Variants in DIXDC1 observed in about 807,000 individuals in gnomAD.
DIXDC1 encodes the protein dixin.
DIXDC1 carries 64 observed loss-of-function variants against 103.1 expected under a neutral mutation model. The observed-to-expected ratio is 0.62, with a 90% CI of 0.51 to 0.76. DIXDC1 has a LOEUF of 0.76. Among genes scored for constraint, DIXDC1 ranks in the 30% least tolerant of loss-of-function variants. The pLI, the probability that DIXDC1 is intolerant of heterozygous loss-of-function variation, is 0.00. For synonymous variants in DIXDC1, 266 were observed against 298.5 expected (o/e 0.89, Z 1.12); for missense variants, 759 against 834.2 (o/e 0.91, Z 1.11).
chr11:111,997,332 A>AT (rs1160819448), intron 17 of DIXDC1, among the ~76,000 whole-genome samples: 49 of 147,572 alleles, frequency 3.3e-4, no homozygotes, highest in Admixed American at 3.4e-4. Flanking sequence ...AATGAAACAA[A>AT]TTTTTTTTTT....
At chr11:111,986,706 C>G (rs1860502959) in intron 8 of DIXDC1, among the ~76,000 whole-genome samples, 165 bp from the exon 9 acceptor site, 1 of 152,030 alleles carries the variant, frequency 6.6e-6, no homozygotes, top group South Asian at 2.1e-4. Flanking sequence ...GATCTACTTG[C>G]TACTTGATGC....
rs1041855774 is a variant in DIXDC1, at chr11:112,021,723, C to G, written c.*2687C>G. On this transcript the variant is annotated 3_prime_UTR_variant, in exon 20 of 20. Transcript: ENST00000440460. ...AGTGTGGTGGCTCATGCCTGTAATT[C>G]CAGCACTTTGGGAGGCCGAGGCAGG... 3.9e-5 allele frequency: 6 copies of G among 152,318 alleles called. No homozygotes were observed. The highest frequency in any genetic ancestry group is 7.3e-5 in the Non-Finnish European group (5 of 68,148). The allele number at this position is 152,318 out of a possible 1,614,324, so 9.4% of individuals were successfully genotyped here. A position where few individuals can be genotyped will look rare whatever the true frequency, so the allele number is the denominator to read the frequency against.
chr11:111,976,294 C>G lies in DIXDC1; in HGVS notation c.656+1311C>G, dbSNP rs1006785386. ...AGAGTGGATTTCTTCCTGAGGGCAC[C>G]TGCTTTCTCCTCCAAGGCAGGAGGA... is the stretch of plus-strand genomic sequence containing the variant. On this transcript the variant is annotated intron_variant, in intron 5 of 19. Coordinates refer to ENST00000440460, the MANE Select transcript of DIXDC1 (RefSeq NM_001037954.4). This position sits in a 1 kb window ranked among gnomAD's most constrained non-coding sequence, Gnocchi z 4.3. Among the ~76,000 whole-genome samples, 4 of 152,100 alleles carry G rather than the reference C, an allele frequency of 2.6e-5. No individual in the cohort carries two copies. The highest frequency in any genetic ancestry group is 9.7e-5 in the African/African-American group (4 of 41,428).
chr11:111,927,526 T>A (rs1286262707), intron 1 of DIXDC1: 3 of 152,322 alleles, frequency 2.0e-5, no homozygotes, highest in Non-Finnish European at 4.4e-5. Context: ...GCCCTCAGCC[T>A]TGTACATTCT....
rs1392391202 is a variant in DIXDC1 at position 111,977,709 on chromosome 11, C to T, written c.656+2726C>T. 2 of 1,548,152 alleles carry T rather than the reference C, an allele frequency of 1.3e-6. No individual in the cohort carries two copies. Among genetic ancestry groups the T allele is most frequent in the South Asian group, 2.4e-5 (2 of 84,022 alleles). Reference sequence around the variant, plus strand: ...ATGCCTGAATTTGGGAGCGATGTGACTCTCAGCCTCCCACTTCACCCGGGG... The same window carrying T: ...ATGCCTGAATTTGGGAGCGATGTGATTCTCAGCCTCCCACTTCACCCGGGG... On this transcript the variant is annotated intron_variant, in intron 5 of 19. Coordinates refer to ENST00000440460, the MANE Select transcript of DIXDC1 (RefSeq NM_001037954.4). This position sits in a 1 kb window ranked among gnomAD's most constrained non-coding sequence, Gnocchi z 6.1.
chr11:111,973,221 A>C (rs879956599), intron 3 of DIXDC1, among the ~76,000 whole-genome samples: 8 of 125,842 alleles, frequency 6.4e-5, no homozygotes, highest in East Asian at 5.0e-4. Flanking sequence ...AAATACAAAA[A>C]ATTAGCTGGG....
At chr11:111,930,532 T>G (rs1410886456) in intron 2 of DIXDC1, among the ~76,000 whole-genome samples, 1 of 152,232 alleles carries the variant, frequency 6.6e-6, no homozygotes, top group Non-Finnish European at 1.5e-5. Context: ...CTTTTTAACT[T>G]GCTTTGTTTC....
At chr11:111,990,895 C>T (rs587639201) in intron 10 of DIXDC1, among the ~76,000 whole-genome samples, 1 of 152,086 alleles carries the variant, frequency 6.6e-6, no homozygotes, top group African/African-American at 2.4e-5. Flanking sequence ...TTGGTAGAGA[C>T]GGGGTTTCAC....
chr11:111,940,894 T>TA (rs1555168767), intron 1 of DIXDC1, among the ~76,000 whole-genome samples: 1 of 152,182 alleles, frequency 6.6e-6, no homozygotes, highest in Non-Finnish European at 1.5e-5. Context: ...TGTGCCAGGC[T>TA]CTGGAAATAC....
rs587661377 is a variant in DIXDC1 at position 111,948,496 on chromosome 11, C to T, written c.60+10937C>T. On this transcript the variant is annotated intron_variant, in intron 1 of 19. Transcript: ENST00000440460. Reference sequence around the variant, plus strand: ...TGATGATTTTCAGTCCTAGATTAGCCCATCCTTGGTTTCCCCTGCTCATGG... The same window carrying T: ...TGATGATTTTCAGTCCTAGATTAGCTCATCCTTGGTTTCCCCTGCTCATGG... Among the ~76,000 whole-genome samples the T allele has an allele frequency of 1.4e-4, 21 of 151,916 alleles. No homozygotes were observed. In the East Asian group the frequency reaches 4.1e-3, roughly 29 times the overall value.
intron 9 of DIXDC1, among the ~76,000 whole-genome samples, chr11:111,987,679 A>C (rs1368579788): frequency 1.2e-5 from 1 of 81,776 alleles, no homozygotes; most frequent in Non-Finnish European, 2.4e-5. Flanking sequence ...TTTTTTTTTG[A>C]GACAGAGTTT....
At position 111,927,983 on chromosome 11, in the gene DIXDC1, T is replaced by C. The variant is rs587741923; in HGVS notation, c.-37+596T>C. The stretch of plus-strand genomic sequence containing the variant: ...GTGAGCCGAGATCTCGCCAAAGCAC[T>C]CCAGCCTGGGGGACACAGCAAGACT... On this transcript the variant is annotated intron_variant, in intron 1 of 5. Coordinates refer to the DIXDC1 transcript ENST00000529225. 1.2e-3 allele frequency among the ~76,000 whole-genome samples: 141 copies of C among 118,820 alleles called. 3 individuals are homozygous for C. In the South Asian group the frequency reaches 0.036, roughly 30 times the overall value. The allele number at this position is 118,820 out of a possible 152,430, so 78.0% of individuals were successfully genotyped here. A position where few individuals can be genotyped will look rare whatever the true frequency, so the allele number is the denominator to read the frequency against.
chr11:112,001,746 C>T (rs1861071397), intron 17 of DIXDC1, among the ~76,000 whole-genome samples: 2 of 150,728 alleles, frequency 1.3e-5, no homozygotes, highest in Non-Finnish European at 3.0e-5. Flanking sequence ...GATAAGAATT[C>T]AGCTGAGATT....
chr11:111,977,177 C>T lies in DIXDC1; in HGVS notation c.656+2194C>T. 1.2e-6 allele frequency: 1 copy of T among 858,442 alleles called. No homozygotes were observed. Among genetic ancestry groups the T allele is most frequent in the Non-Finnish European group, 1.4e-6 (1 of 713,728 alleles). The allele number at this position is 858,442 out of a possible 1,614,324, so 53.2% of individuals were successfully genotyped here. On this transcript the variant is annotated intron_variant, in intron 5 of 19. Transcript: ENST00000440460. This position sits in a 1 kb window ranked among gnomAD's most constrained non-coding sequence, Gnocchi z 6.1. ...ACCCCCACCTCCACCCCGCCCAGCC[C>T]CGCCCCTGGCCCGCACCCTCAACCT...
rs1860152250 is a variant in DIXDC1 at position 111,977,581 on chromosome 11, C to T, written c.656+2598C>T. 2 of 1,476,698 alleles carry T rather than the reference C, an allele frequency of 1.4e-6. No individual in the cohort carries two copies. The highest frequency in any genetic ancestry group is 1.8e-6 in the Non-Finnish European group (2 of 1,110,622). The allele number at this position is 1,476,698 out of a possible 1,614,324, so 91.5% of individuals were successfully genotyped here. ...AGCATCCCAGTCGCTGGGGCCGAGA[C>T]GCCGCCGCCGCCGCCGTTCCCGCTT... On this transcript the variant is annotated intron_variant, in intron 5 of 19. Coordinates refer to ENST00000440460, the MANE Select transcript of DIXDC1 (RefSeq NM_001037954.4). The surrounding 1 kb of genome is among the most constrained non-coding windows in gnomAD (Gnocchi z 6.1).
chr11:111,995,417 G>C lies in DIXDC1; in HGVS notation c.1542G>C (p.Gln514His). Reference sequence around the variant, plus strand: ...TTTGCCCACAGACCAGCGACCTGCAGCTTGTTCGAGATGCTCTCCGCAGCC... The same window carrying C: ...TTTGCCCACAGACCAGCGACCTGCACCTTGTTCGAGATGCTCTCCGCAGCC... ...SVSNRGTSDL[Q>H]LVRDALRSLR... is the part of the protein sequence containing the mutation. Residue 514 changes from glutamine (Q) to histidine (H), a missense_variant, in exon 16 of 20, where the codon CAG becomes CAC. Coordinates refer to ENST00000440460, the MANE Select transcript of DIXDC1 (RefSeq NM_001037954.4). The C allele has an allele frequency of 6.2e-7, 1 of 1,612,638 alleles. No homozygotes were observed. Among genetic ancestry groups the C allele is most frequent in the East Asian group, 2.2e-5 (1 of 44,884 alleles).
At chr11:111,985,108 A>G in intron 7 of DIXDC1, 124 bp from the exon 8 acceptor site, 1 of 780,134 alleles carries the variant, frequency 1.3e-6, no homozygotes, top group Non-Finnish European at 2.2e-6. Context: ...AGCAAAAATT[A>G]CCAACGAAAT....
upstream of DIXDC1, among the ~76,000 whole-genome samples, chr11:111,935,524 A>G (rs1966162920): frequency 6.6e-6 from 1 of 152,222 alleles, no homozygotes; most frequent in Admixed American, 6.5e-5. Flanking sequence ...GCTCTCAACC[A>G]ATCAGGATCC....
chr11:112,002,470 C>CA (rs1861099588), intron 17 of DIXDC1, among the ~76,000 whole-genome samples: 1 of 152,186 alleles, frequency 6.6e-6, no homozygotes, highest in East Asian at 1.9e-4. Flanking sequence ...GAGGTATCTG[C>CA]ATTCTCATGT....
Sources: allele counts gnomAD v4.1 joint callset (sites outside exome capture counted in the v4.1 genomes callset), GRCh38; gene constraint gnomAD v4.1.1; non-coding constraint Gnocchi (gnomAD v3.1); transcripts MANE v1.5; gene names NCBI Gene and HGNC (gene_info 2026-07-23, HGNC 2026-07-21).